Variants in CALN1 observed in about 807,000 individuals in gnomAD.
CALN1 encodes the protein calneuron 1.
In CALN1, 17 loss-of-function variants were observed where a neutral mutation model predicts 30.6. That is an observed-to-expected ratio of 0.56 (90% confidence interval 0.38 to 0.83). The LOEUF is 0.83. CALN1 is among the 40% of genes least tolerant of loss of function. The pLI is 0.00. For synonymous variants in CALN1, 156 were observed against 131.4 expected (o/e 1.19, Z -1.28); for missense variants, 291 against 354.9 (o/e 0.82, Z 1.45).
chr7:72,186,541 C>A (rs1382521543), intron 3 of CALN1, among the ~76,000 whole-genome samples: 1 of 152,088 alleles, frequency 6.6e-6, no homozygotes, highest in African/African-American at 2.4e-5. Flanking sequence ...AACACAGGGC[C>A]CAACAGGTAG....
chr7:71,821,585 C>T (rs1788593093), intron 5 of CALN1, among the ~76,000 whole-genome samples: 1 of 152,108 alleles, frequency 6.6e-6, no homozygotes, highest in Non-Finnish European at 1.5e-5. Context: ...CCACTAGGTC[C>T]CTCCTACAAC....
intron 3 of CALN1, among the ~76,000 whole-genome samples, chr7:72,194,295 C>T (rs1790831812): frequency 6.6e-6 from 1 of 152,058 alleles, no homozygotes; most frequent in Admixed American, 6.6e-5. Flanking sequence ...TTCGGGAGGC[C>T]GAGGCAGGTG....
At chr7:72,174,717 G>A (rs1407432373) in intron 3 of CALN1, among the ~76,000 whole-genome samples, 1 of 152,196 alleles carries the variant, frequency 6.6e-6, no homozygotes, top group Non-Finnish European at 1.5e-5. Context: ...TGTAGTGATA[G>A]AATGCAGATC....
upstream of CALN1, among the ~76,000 whole-genome samples, chr7:72,448,557 T>C (rs1323513048): frequency 6.6e-6 from 1 of 152,034 alleles, no homozygotes; most frequent in Non-Finnish European, 1.5e-5. Context: ...TCCCACACTA[T>C]GGAGTCGGTT....
intron 2 of CALN1, among the ~76,000 whole-genome samples, chr7:72,367,006 A>C (rs1224491537): frequency 6.6e-6 from 1 of 152,230 alleles, no homozygotes; most frequent in Non-Finnish European, 1.5e-5. Flanking sequence ...TAGTGAATAA[A>C]TGACAACCTT....
chr7:72,318,609 T>A (rs1167763437), intron 2 of CALN1, among the ~76,000 whole-genome samples: 1 of 151,364 alleles, frequency 6.6e-6, no homozygotes, highest in Non-Finnish European at 1.5e-5. Flanking sequence ...GGTGTGATCA[T>A]AGCTCACTGC....
chr7:72,465,496 G>A, the CALN1 span, among the ~76,000 whole-genome samples: 3 of 152,174 alleles, frequency 2.0e-5, no homozygotes, highest in East Asian at 5.8e-4. Context: ...TTTGTATCAG[G>A]GCTAACATCT....
chr7:72,301,663 C>T (rs1017958061), intron 2 of CALN1, among the ~76,000 whole-genome samples: 16 of 148,006 alleles, frequency 1.1e-4, no homozygotes, highest in African/African-American at 3.0e-4. Flanking sequence ...GTAGATCTGA[C>T]GTTGATCTCC....
At chr7:72,500,230 G>A in the CALN1 span, among the ~76,000 whole-genome samples, 6 of 122,724 alleles carry the variant, frequency 4.9e-5, no homozygotes, top group East Asian at 2.9e-4. Flanking sequence ...AACTTTCTGT[G>A]TCTCTTTTGT....
At chr7:72,360,957 C>T (rs979866532) in intron 2 of CALN1, among the ~76,000 whole-genome samples, 2 of 151,966 alleles carry the variant, frequency 1.3e-5, no homozygotes, top group African/African-American at 2.4e-5. Flanking sequence ...GAACTCCTGA[C>T]CTCAAGTGAT....
intron 5 of CALN1, among the ~76,000 whole-genome samples, chr7:71,878,577 CGGA>C (rs1447006407): frequency 6.6e-6 from 1 of 151,964 alleles, no homozygotes; most frequent in Non-Finnish European, 1.5e-5. Context: ...CCCTAAAAGC[CGGA>C]GGAGAAGGAA....
chr7:72,270,261 A>G (rs1796890596), intron 3 of CALN1, among the ~76,000 whole-genome samples: 1 of 152,114 alleles, frequency 6.6e-6, no homozygotes, highest in South Asian at 2.1e-4. Context: ...GATCAAGACT[A>G]CAGTGAATTC....
At chr7:72,410,659 C>CA (rs1372839919) in intron 1 of CALN1, among the ~76,000 whole-genome samples, 2 of 152,080 alleles carry the variant, frequency 1.3e-5, no homozygotes, top group Non-Finnish European at 2.9e-5. Flanking sequence ...ACACCCTAAA[C>CA]CCTGGTTCTT....
chr7:72,368,336 T>A (rs1804006741), intron 2 of CALN1, among the ~76,000 whole-genome samples: 1 of 151,502 alleles, frequency 6.6e-6, no homozygotes, highest in Non-Finnish European at 1.5e-5. Flanking sequence ...GTGCACTTTT[T>A]ACATATATAC....
intron 4 of CALN1, among the ~76,000 whole-genome samples, chr7:72,091,626 G>A (rs1002184720): frequency 1.3e-5 from 2 of 152,166 alleles, no homozygotes; most frequent in Admixed American, 6.5e-5. Flanking sequence ...TTCCCTTATT[G>A]CTGGTCTGTA....
intron 4 of CALN1, among the ~76,000 whole-genome samples, chr7:72,037,711 C>T (rs1256010064): frequency 1.3e-5 from 2 of 151,896 alleles, no homozygotes; most frequent in African/African-American, 4.8e-5. Context: ...CTTCCTGAAA[C>T]ACTAGTACAG....
At chr7:71,884,804 T>C (rs1792801045) in intron 5 of CALN1, among the ~76,000 whole-genome samples, 1 of 152,244 alleles carries the variant, frequency 6.6e-6, no homozygotes, top group Admixed American at 6.5e-5. Flanking sequence ...GAAATGGTCC[T>C]GCAAAGTTGT....
chr7:72,496,168 T>G, the CALN1 span, among the ~76,000 whole-genome samples: 19 of 152,166 alleles, frequency 1.2e-4, no homozygotes, highest in Non-Finnish European at 2.5e-4. Context: ...GTGATCCACC[T>G]GCCTCGGCCT....
chr7:72,364,708 T>A (rs1403282204), intron 2 of CALN1, among the ~76,000 whole-genome samples: 5 of 152,196 alleles, frequency 3.3e-5, no homozygotes, highest in Admixed American at 3.3e-4. Flanking sequence ...GATAGTTAAG[T>A]GAGGTATGGG....
Sources: allele counts gnomAD v4.1 joint callset (sites outside exome capture counted in the v4.1 genomes callset), GRCh38; gene constraint gnomAD v4.1.1; transcripts MANE v1.5; gene names NCBI Gene and HGNC (gene_info 2026-07-23, HGNC 2026-07-21).